DLG2: variants seen among roughly 807,000 people sequenced by gnomAD.
DLG2 encodes the protein disks large homolog 2.
Under a neutral mutation model 132.5 loss-of-function variants are expected in DLG2, and 45 were observed. The observed-to-expected ratio is 0.34, with a 90% CI of 0.27 to 0.44. The LOEUF (loss-of-function observed/expected upper bound fraction) is 0.44, where lower values mean the gene tolerates loss of function less well. Ranked by LOEUF, DLG2 falls within the 20% of genes least tolerant of loss-of-function variation. The probability of loss-of-function intolerance (pLI) is 1.00; values close to 1 mark genes in which losing one functional copy is unlikely to be tolerated. For missense variants in DLG2, 1,045 were observed against 1,196.9 expected, an observed-to-expected ratio of 0.87 and a Z score of 1.87; for synonymous variants, 424 against 419.6, an observed-to-expected ratio of 1.01 and a Z score of -0.13.
At chr11:83,769,884 A>G (rs67816311) in intron 18 of DLG2, among the ~76,000 whole-genome samples, 27,887 of 151,968 alleles carry the variant, frequency 0.18, 2,875 homozygotes, top group African/African-American at 0.28. Flanking sequence ...CTTTGAAAGT[A>G]AAGGTGGGTT....
intron 19 of DLG2, among the ~76,000 whole-genome samples, chr11:83,570,978 G>A (rs528676059): frequency 6.6e-6 from 1 of 152,094 alleles, no homozygotes; most frequent in Admixed American, 6.6e-5. Context: ...CAACTCCTGG[G>A]TTCAAGCAAT....
Position 83,791,094 on chromosome 11 carries a change from G to A in DLG2, c.1723-4302C>T, listed in dbSNP as rs1016800704. On this transcript the variant is annotated intron_variant, in intron 17 of 27. Transcript: ENST00000376104. ...GCCATTCAGGGGTGGACTCGGACTGGAAGAGTGGCCTTGACTCTCACCTCC... is the reference window on the plus strand; with the variant it reads ...GCCATTCAGGGGTGGACTCGGACTGAAAGAGTGGCCTTGACTCTCACCTCC... 7 of 681,116 alleles carry A rather than the reference G, an allele frequency of 1.0e-5. No individual in the cohort carries two copies. The Admixed American group carries it at 1.7e-4, about 17-fold the overall frequency. 42.2% of individuals were successfully genotyped at this position (681,116 alleles called of 1,614,324 possible).
At chr11:84,219,684 C>CT (rs2096887650) in intron 8 of DLG2, among the ~76,000 whole-genome samples, 2 of 152,130 alleles carry the variant, frequency 1.3e-5, no homozygotes, top group Non-Finnish European at 2.9e-5. Flanking sequence ...TGGGAAATCT[C>CT]TAAGTTGTTC....
chr11:83,792,087 T>G (rs2041721102), intron 17 of DLG2, among the ~76,000 whole-genome samples: 1 of 152,228 alleles, frequency 6.6e-6, no homozygotes, highest in Non-Finnish European at 1.5e-5. Flanking sequence ...CATTCTACCT[T>G]TTTAATGAAA....
At chr11:84,527,935 C>CTCTCTT (rs1554999805) in intron 7 of DLG2, among the ~76,000 whole-genome samples, 2 of 145,862 alleles carry the variant, frequency 1.4e-5, no homozygotes, top group African/African-American at 5.1e-5. Context: ...CTCTCTCTCT[C>CTCTCTT]GCTAATAAAT....
intron 18 of DLG2, among the ~76,000 whole-genome samples, chr11:83,780,200 G>A (rs373846941): frequency 7.2e-5 from 11 of 152,180 alleles, no homozygotes; most frequent in South Asian, 2.1e-4. Flanking sequence ...CTTGGATGGC[G>A]TATGTACTTT....
intron 6 of DLG2, among the ~76,000 whole-genome samples, chr11:84,656,176 G>C (rs1940091): frequency 6.6e-6 from 1 of 152,094 alleles, no homozygotes; most frequent in South Asian, 2.1e-4. Flanking sequence ...GGCATGCATC[G>C]ACAGGTTGGA....
At chr11:83,772,302 T>C (rs540827959) in intron 18 of DLG2, among the ~76,000 whole-genome samples, 2 of 151,802 alleles carry the variant, frequency 1.3e-5, no homozygotes. Flanking sequence ...CCCAGCTACC[T>C]GGAAGGCTGA....
intron 16 of DLG2, among the ~76,000 whole-genome samples, chr11:83,858,290 C>G (rs566711940): frequency 6.6e-6 from 1 of 152,168 alleles, no homozygotes. Flanking sequence ...CAAAACCACA[C>G]TGCAAAAGGT....
intron 5 of DLG2, among the ~76,000 whole-genome samples, chr11:85,131,544 GA>G (rs1233603008): frequency 6.6e-6 from 1 of 152,000 alleles, no homozygotes; most frequent in African/African-American, 2.4e-5. Context: ...GATTTAACTG[GA>G]ATACTGCATG....
intron 12 of DLG2, among the ~76,000 whole-genome samples, chr11:83,973,532 A>C (rs1166925730): frequency 6.6e-6 from 1 of 152,008 alleles, no homozygotes; most frequent in Non-Finnish European, 1.5e-5. Flanking sequence ...TTTTTTAGCC[A>C]ATTGCAGGTA....
chr11:84,032,210 C>T (rs2095717380), intron 11 of DLG2, among the ~76,000 whole-genome samples: 1 of 152,040 alleles, frequency 6.6e-6, no homozygotes, highest in Non-Finnish European at 1.5e-5. Context: ...AATGATTATG[C>T]TTAGTGAGGA....
At chr11:85,478,760 G>A (rs190316037) in intron 3 of DLG2, among the ~76,000 whole-genome samples, 15 of 152,264 alleles carry the variant, frequency 9.9e-5, no homozygotes, top group Admixed American at 9.2e-4. Flanking sequence ...ATTATCTCCT[G>A]TAGCATTCTA....
intron 8 of DLG2, among the ~76,000 whole-genome samples, chr11:84,225,045 C>T (rs1362852430): frequency 6.6e-6 from 1 of 152,156 alleles, no homozygotes; most frequent in Admixed American, 6.6e-5. Context: ...ACTCCCTCTT[C>T]ACAGTTACCA....
At chr11:84,669,242 A>G (rs1207482038) in intron 6 of DLG2, among the ~76,000 whole-genome samples, 1 of 152,110 alleles carries the variant, frequency 6.6e-6, no homozygotes, top group Non-Finnish European at 1.5e-5. Flanking sequence ...TAGAACCATC[A>G]GTATGCTTGG....
chr11:84,475,272 T>C (rs527420361), intron 7 of DLG2, among the ~76,000 whole-genome samples: 3 of 152,288 alleles, frequency 2.0e-5, no homozygotes, highest in South Asian at 2.1e-4. Context: ...TCTTTTCTGA[T>C]ATGTGATGTT....
chr11:84,640,548 C>A, intron 6 of DLG2: 1 of 325,082 alleles, frequency 3.1e-6, no homozygotes, highest in South Asian at 2.8e-5. Flanking sequence ...AGGAACAGTT[C>A]TGCAGGATGA....
chr11:85,377,406 G>T (rs889487347), intron 3 of DLG2, among the ~76,000 whole-genome samples: 3 of 152,092 alleles, frequency 2.0e-5, no homozygotes, highest in Admixed American at 2.0e-4. Flanking sequence ...CAATTATTGT[G>T]CTTTGAGATG....
At chr11:85,213,517 G>A (rs545427848) in intron 4 of DLG2, among the ~76,000 whole-genome samples, 2 of 152,068 alleles carry the variant, frequency 1.3e-5, no homozygotes, top group African/African-American at 4.8e-5. Flanking sequence ...GAATGTCTGG[G>A]GTATGAGAAG....
Sources: allele counts gnomAD v4.1 joint callset (sites outside exome capture counted in the v4.1 genomes callset), GRCh38; gene constraint gnomAD v4.1.1; transcripts MANE v1.5; gene names NCBI Gene and HGNC (gene_info 2026-07-23, HGNC 2026-07-21).